NR3C1: variants seen among roughly 807,000 people sequenced by gnomAD.
The protein encoded by NR3C1 is nuclear receptor subfamily 3 group C member 1, also known as glucocorticoid receptor.
NR3C1 carries 14 observed loss-of-function variants against 74.0 expected under a neutral mutation model. That is an observed-to-expected ratio of 0.19 (90% confidence interval 0.12 to 0.30). The LOEUF is 0.30. Ranked by LOEUF, NR3C1 falls within the 10% of genes least tolerant of loss-of-function variation. NR3C1 has a pLI of 1.00. For missense variants in NR3C1, 695 were observed against 909.8 expected (o/e 0.76, Z 3.04); for synonymous variants, 308 against 332.5 (o/e 0.93, Z 0.80).
At chr5:143,312,908 C>G (rs542468281) in intron 3 of NR3C1, among the ~76,000 whole-genome samples, 8 of 152,122 alleles carry the variant, frequency 5.3e-5, no homozygotes, top group Non-Finnish European at 8.8e-5. Flanking sequence ...ACTTTTGACT[C>G]TAATCAATAG....
At chr5:143,297,450 T>G (rs1221517548) in intron 6 of NR3C1, among the ~76,000 whole-genome samples, 1 of 152,222 alleles carries the variant, frequency 6.6e-6, no homozygotes, top group Non-Finnish European at 1.5e-5. Context: ...TGGTATTTTT[T>G]AAACAGCATG....
At chr5:143,283,491 GAGAT>G (rs1193497616) in intron 7 of NR3C1, among the ~76,000 whole-genome samples, 1 of 152,180 alleles carries the variant, frequency 6.6e-6, no homozygotes, top group Non-Finnish European at 1.5e-5. Flanking sequence ...TTCTAGTACT[GAGAT>G]AGATAGAAGG....
chr5:143,404,230 G>C, upstream of NR3C1: 1 of 985,448 alleles, frequency 1.0e-6, no homozygotes, highest in South Asian at 4.7e-5. Flanking sequence ...CGAGTTGCGT[G>C]AAGTGTGTCA....
intron 2 of NR3C1, 22 bp downstream of exon 2, chr5:143,399,634 A>C (rs1406366971): frequency 6.6e-7 from 1 of 1,518,440 alleles, no homozygotes; most frequent in Non-Finnish European, 9.2e-7. Context: ...ATTCTTAAGA[A>C]ACAGAAAAAC....
At chr5:143,392,429 TC>T (rs542566332) in intron 2 of NR3C1, among the ~76,000 whole-genome samples, 23 of 152,238 alleles carry the variant, frequency 1.5e-4, no homozygotes, top group Non-Finnish European at 1.5e-5. Flanking sequence ...ATTTAAAGAT[TC>T]GCTGTTGACA....
intron 2 of NR3C1, among the ~76,000 whole-genome samples, chr5:143,329,280 C>A (rs1253291880): frequency 3.9e-5 from 6 of 152,166 alleles, no homozygotes; most frequent in Non-Finnish European, 7.3e-5. Flanking sequence ...ATCTCCCACA[C>A]TATCACGAGA....
rs551775759 is a variant in NR3C1 at position 143,417,970 on chromosome 5, G to A, written c.-14+16562C>T. Among the ~76,000 whole-genome samples, 6 of 152,240 alleles carry A rather than the reference G, an allele frequency of 3.9e-5. No homozygotes were observed. In the East Asian group the frequency reaches 1.2e-3, roughly 29 times the overall value. On this transcript the variant is annotated intron_variant, in intron 1 of 8. Coordinates refer to the NR3C1 transcript ENST00000343796. ...ATCCAGCTGAGCATGCTCAAATAAA[G>A]ACAGACATTTAAAAGCATAGACATT...
intron 5 of NR3C1, 126 bp from the exon 6 acceptor site, chr5:143,298,938 A>G (rs538447650): frequency 2.0e-5 from 17 of 841,074 alleles, no homozygotes; most frequent in Non-Finnish European, 3.3e-5. Context: ...GAAAATGGAA[A>G]TTAAATACTA....
chr5:143,332,412 TG>T (rs569225451), intron 2 of NR3C1, among the ~76,000 whole-genome samples: 2 of 7,038 alleles, frequency 2.8e-4, no homozygotes, highest in Non-Finnish European at 5.5e-4. Flanking sequence ...GCCCGTTGGG[TG>T]GGGGGGCGGG....
intron 1 of NR3C1, among the ~76,000 whole-genome samples, chr5:143,415,288 T>C (rs975144806): frequency 3.9e-5 from 6 of 152,116 alleles, no homozygotes. Flanking sequence ...TATTCCCCTC[T>C]TTAAAAACTT....
intron 1 of NR3C1, among the ~76,000 whole-genome samples, chr5:143,423,357 A>G (rs936414506): frequency 1.3e-5 from 2 of 152,244 alleles, no homozygotes; most frequent in African/African-American, 4.8e-5. Context: ...AAAATACTCA[A>G]CATCCTTAAT....
intron 2 of NR3C1, among the ~76,000 whole-genome samples, chr5:143,396,894 T>C (rs1015264971): frequency 3.3e-5 from 5 of 151,814 alleles, no homozygotes; most frequent in Non-Finnish European, 7.4e-5. Flanking sequence ...AGGCTGAAAA[T>C]CAAATAATGC....
chr5:143,284,280 T>C (rs1213452971), intron 7 of NR3C1, among the ~76,000 whole-genome samples: 1 of 152,116 alleles, frequency 6.6e-6, no homozygotes, highest in Non-Finnish European at 1.5e-5. Flanking sequence ...CATGTGGACT[T>C]GAATATAACC....
At chr5:143,380,479 A>C (rs967864932) in intron 2 of NR3C1, among the ~76,000 whole-genome samples, 2 of 152,216 alleles carry the variant, frequency 1.3e-5, no homozygotes, top group Middle Eastern at 3.2e-3. Flanking sequence ...CTTTAAGAAG[A>C]AGCCAAAGTA....
intron 2 of NR3C1, among the ~76,000 whole-genome samples, chr5:143,332,202 G>C (rs1361508739): frequency 6.6e-6 from 1 of 151,856 alleles, no homozygotes; most frequent in Non-Finnish European, 1.5e-5. Flanking sequence ...CAAGCATTCA[G>C]AACATTAAAA....
chr5:143,345,553 C>T (rs1829121317), intron 2 of NR3C1, among the ~76,000 whole-genome samples: 1 of 152,210 alleles, frequency 6.6e-6, no homozygotes, highest in Non-Finnish European at 1.5e-5. Flanking sequence ...CTGCGATAAT[C>T]ATTCAAATGC....
At chr5:143,390,379 T>C (rs892576753) in intron 2 of NR3C1, among the ~76,000 whole-genome samples, 9 of 152,202 alleles carry the variant, frequency 5.9e-5, no homozygotes, top group African/African-American at 2.2e-4. Context: ...AATTCCCTGA[T>C]ACACTAAGGG....
intron 2 of NR3C1, among the ~76,000 whole-genome samples, chr5:143,317,182 G>A (rs1297108529): frequency 6.6e-6 from 1 of 152,204 alleles, no homozygotes; most frequent in East Asian, 1.9e-4. Context: ...AATGCTAAAT[G>A]GTATTCAGTT....
intron 2 of NR3C1, among the ~76,000 whole-genome samples, chr5:143,327,958 C>A (rs969552465): frequency 1.3e-5 from 2 of 152,234 alleles, no homozygotes; most frequent in Non-Finnish European, 2.9e-5. Flanking sequence ...CTAGGTAGTG[C>A]CCCAGTGGGG....
Sources: gnomAD v4.1 joint callset for allele counts (sites outside exome capture counted in the v4.1 genomes callset) on GRCh38, gnomAD v4.1.1 for gene constraint, MANE v1.5 for transcripts, NCBI Gene and HGNC (gene_info 2026-07-23, HGNC 2026-07-21) for gene names.